CDK12: variants seen among roughly 807,000 people sequenced by gnomAD.
The protein encoded by CDK12 is cyclin dependent kinase 12.
A neutral mutation model predicts 133.8 loss-of-function variants in CDK12; 17 were observed. The observed-to-expected ratio is 0.13, with a 90% CI of 0.09 to 0.19. The LOEUF (loss-of-function observed/expected upper bound fraction) is 0.19. Among genes scored for constraint, CDK12 ranks in the 10% least tolerant of loss-of-function variants. The pLI is 1.00. For missense variants in CDK12, 1,508 were observed against 1,818.7 expected, an observed-to-expected ratio of 0.83 and a Z score of 3.11; for synonymous variants, 694 against 683.6, an observed-to-expected ratio of 1.02 and a Z score of -0.24.
intron 2 of CDK12, among the ~76,000 whole-genome samples, chr17:39,472,032 G>A (rs1469305729): frequency 1.3e-5 from 2 of 152,098 alleles, no homozygotes; most frequent in African/African-American, 2.4e-5. Flanking sequence ...CGCCCAGGCT[G>A]TAATGCAGTG....
chr17:39,478,578 C>G (rs1422753084), intron 2 of CDK12, among the ~76,000 whole-genome samples: 1 of 152,148 alleles, frequency 6.6e-6, no homozygotes, highest in Non-Finnish European at 1.5e-5. Context: ...CTGTGGCTCA[C>G]TCCTATAATC....
rs1362313351 is a variant in CDK12 at position 39,471,619 on chromosome 17, C to T, written c.1787C>T (p.Ser596Phe). Residue 596 changes from serine to phenylalanine, a missense_variant, in exon 2 of 14, where the codon TCC becomes TTC. By Grantham distance (155) the Ser-to-Phe change is radical. Around this residue, in one of 9 missense-constraint regions of CDK12, gnomAD observed 347 missense variants for 330.8 expected, o/e 1.05. Transcript: ENST00000447079. ...ACTCACTCAAAGACATCTGCTGTGTCCTCTCAGGCAAATTCTCAGCCCCCT... is the reference window on the plus strand; with the variant it reads ...ACTCACTCAAAGACATCTGCTGTGTTCTCTCAGGCAAATTCTCAGCCCCCT... ...PSTHSKTSAV[S>F]SQANSQPPVQ... is the part of the protein sequence containing the mutation. 1.9e-6 allele frequency: 3 copies of T among 1,614,016 alleles called. No homozygotes were observed. Among genetic ancestry groups the T allele is most frequent in the Non-Finnish European group, 2.5e-6 (3 of 1,180,020 alleles).
At chr17:39,562,902 C>CTTTTTTTT (rs59852699) in intron 3 of CDK12, among the ~76,000 whole-genome samples, 2 of 92,384 alleles carry the variant, frequency 2.2e-5, no homozygotes, top group African/African-American at 7.7e-5. Flanking sequence ...TTTTTCTTTT[C>CTTTTTTTT]TTTTTTTTTT....
At chr17:39,514,614 C>G (rs2053684486) in intron 8 of CDK12, among the ~76,000 whole-genome samples, 1 of 152,028 alleles carries the variant, frequency 6.6e-6, no homozygotes, top group Non-Finnish European at 1.5e-5. Context: ...GTGCTGGGAT[C>G]ACAGACATGA....
intron 7 of CDK12, 22 bp downstream of exon 7, chr17:39,509,783 C>CA: frequency 6.4e-7 from 1 of 1,564,228 alleles, no homozygotes; most frequent in Non-Finnish European, 8.8e-7. Context: ...ATTAAAATTA[C>CA]ATGTGGGAAA....
chr17:39,511,643 T>C lies in CDK12; in HGVS notation c.2768+13T>C, dbSNP rs773061459. 3.8e-6 allele frequency: 6 copies of C among 1,569,172 alleles called. No homozygotes were observed. The highest frequency in any genetic ancestry group is 5.3e-6 in the Non-Finnish European group (6 of 1,141,394). On this transcript the variant is annotated intron_variant, in intron 8 of 13. Coordinates refer to ENST00000447079, the MANE Select transcript of CDK12 (RefSeq NM_016507.4). ...TTTGGAGCTGTGGGTAAGGTTCTGT[T>C]AACTTTTTCTTTTGTCTGTAACTTA...
intron 10 of CDK12, 121 bp downstream of exon 10, chr17:39,517,677 CATT>C (rs1250741142): frequency 3.5e-5 from 22 of 633,878 alleles, no homozygotes; most frequent in Non-Finnish European, 5.6e-6. Flanking sequence ...TGTAGGAAAA[CATT>C]TTAGTTTCGA....
Position 39,532,690 on chromosome 17 carries a change from A to AT in CDK12, c.*1379dup, listed in dbSNP as rs2054933987. 1 of 232,746 alleles carries AT rather than the reference A, an allele frequency of 4.3e-6. No homozygotes were observed. The highest frequency in any genetic ancestry group is 8.5e-6 in the Non-Finnish European group (1 of 117,740). The allele number at this position is 232,746 out of a possible 1,614,324, so 14.4% of individuals were successfully genotyped here. On this transcript the variant is annotated 3_prime_UTR_variant, in exon 14 of 14. Transcript: ENST00000447079. The stretch of plus-strand genomic sequence containing the variant: ...GTGTACCCTGCCAGTTCTTTTAGGG[A>AT]TTTTTCCTCCAAAGAGATTTGGATT...
chr17:39,485,664 G>T (rs905946716), intron 2 of CDK12, among the ~76,000 whole-genome samples: 3 of 151,482 alleles, frequency 2.0e-5, no homozygotes, highest in Non-Finnish European at 4.4e-5. Context: ...CCCCGGCCTC[G>T]GCCCCCTAAA....
Position 39,480,122 on chromosome 17 carries a change from C to T in CDK12, c.1931+8359C>T, listed in dbSNP as rs141128517. 2.7e-3 allele frequency among the ~76,000 whole-genome samples: 409 copies of T among 152,042 alleles called. 1 individual carries two copies. The highest frequency in any genetic ancestry group is 9.2e-3 in the African/African-American group (381 of 41,462). ...TATTTTTAGTAGAGACGGGGTTTTA[C>T]CATCTTTCCCAGGCTGATTGCAATC... On this transcript the variant is annotated intron_variant, in intron 2 of 13. Transcript: ENST00000447079.
intron 5 of CDK12, among the ~76,000 whole-genome samples, chr17:39,499,214 T>TCTTTCTTTCTTTCTTTCTTTCTTTC (rs1344804298): frequency 1.9e-5 from 2 of 105,194 alleles, no homozygotes; most frequent in Non-Finnish European, 3.7e-5. Context: ...TTTCCTTTTT[T>TCTTTCTTTCTTTCTTTCTTTCTTTC]TTTTTTTTTT....
At chr17:39,564,947 G>A (rs984365940), downstream of CDK12, 11 of 152,208 alleles carry the variant, frequency 7.2e-5, no homozygotes, top group African/African-American at 2.7e-4. Flanking sequence ...TTAGAACTTG[G>A]AATGCGGGAA....
In CDK12 at chr17:39,530,551, A is replaced by G; in HGVS notation, c.3761-53A>G. On this transcript the variant is annotated intron_variant, in intron 13 of 13. Coordinates refer to ENST00000447079, the MANE Select transcript of CDK12 (RefSeq NM_016507.4). ...TTGCACAGTGTGTGTGTTTGTGTTTATAATCACATGTGCTTTTTAAGATGG... is the reference window on the plus strand; with the variant it reads ...TTGCACAGTGTGTGTGTTTGTGTTTGTAATCACATGTGCTTTTTAAGATGG... The G allele has an allele frequency of 3.3e-6, 5 of 1,518,504 alleles. No individual in the cohort carries two copies. In the South Asian group the frequency reaches 6.6e-5, roughly 20 times the overall value. 94.1% of individuals were successfully genotyped at this position (1,518,504 alleles called of 1,614,324 possible).
intron 1 of CDK12, among the ~76,000 whole-genome samples, chr17:39,540,902 C>T (rs1052941873): frequency 1.3e-5 from 2 of 152,132 alleles, no homozygotes; most frequent in Non-Finnish European, 2.9e-5. Flanking sequence ...ACAAGGCCTG[C>T]GGGAGCCCTT....
chr17:39,492,026 A>C (rs2051655315), intron 3 of CDK12, among the ~76,000 whole-genome samples: 1 of 151,242 alleles, frequency 6.6e-6, no homozygotes, highest in Non-Finnish European at 1.5e-5. Context: ...AAAAAAAAAA[A>C]AAAAAGATAC....
rs779054820 is a variant in CDK12 at position 39,462,100 on chromosome 17, A to G, written c.29A>G (p.Lys10Arg). 6.2e-7 allele frequency: 1 copy of G among 1,614,094 alleles called. No individual in the cohort carries two copies. Among genetic ancestry groups the G allele is most frequent in the South Asian group, 1.1e-5 (1 of 91,086 alleles). Reference protein sequence around the residue: MPNSERHGGKKDGSGGASGT... With the variant: MPNSERHGGRKDGSGGASGT... ...CCCAATTCAGAGAGACATGGGGGCA[A>G]GAAGGACGGGAGTGGAGGAGCTTCT... The change falls in exon 1 of 14, where the codon AAG (lysine) becomes AGG (arginine). Residue 10 changes from lysine (K) to arginine (R), a missense_variant. By Grantham distance (26) the Lys-to-Arg change is conservative. Transcript: ENST00000447079.
intron 2 of CDK12, among the ~76,000 whole-genome samples, chr17:39,553,927 G>A (rs548152113): frequency 2.1e-5 from 2 of 96,620 alleles, no homozygotes; most frequent in South Asian, 1.1e-3. Flanking sequence ...TGGAGCAGGG[G>A]AGGCCCCAAC....
At chr17:39,473,621 T>C (rs1212246157) in intron 2 of CDK12, among the ~76,000 whole-genome samples, 1 of 151,934 alleles carries the variant, frequency 6.6e-6, no homozygotes, top group Non-Finnish European at 1.5e-5. Context: ...CCAGGTGCGG[T>C]GGTTCATGCC....
chr17:39,477,113 A>G (rs1325923253), intron 2 of CDK12, among the ~76,000 whole-genome samples: 1 of 139,028 alleles, frequency 7.2e-6, no homozygotes, highest in African/African-American at 2.7e-5. Flanking sequence ...CTCCACCACC[A>G]GGGTTCAAGC....
Sources: gnomAD v4.1 joint callset for allele counts (sites outside exome capture counted in the v4.1 genomes callset) on GRCh38, gnomAD v4.1.1 for gene constraint, gnomAD v4.1.1 regional missense constraint, MANE v1.5 for transcripts, NCBI Gene and HGNC (gene_info 2026-07-23, HGNC 2026-07-21) for gene names.